BPIFB4: variants seen among roughly 807,000 people sequenced by gnomAD.
BPIFB4 encodes BPI fold containing family B member 4.
Under a neutral mutation model 69.2 loss-of-function variants are expected in BPIFB4, and 62 were observed. That is an observed-to-expected ratio of 0.90 (90% CI 0.73 to 1.11). The LOEUF is 1.11. Among genes scored for constraint, BPIFB4 ranks in the 50% least tolerant of loss-of-function variants. The probability of loss-of-function intolerance (pLI) is 0.00; values close to 1 mark genes in which losing one functional copy is unlikely to be tolerated. For synonymous variants in BPIFB4, 330 were observed against 332.7 expected, an observed-to-expected ratio of 0.99 and a Z score of 0.09; for missense variants, 789 against 792.0, an observed-to-expected ratio of 1.00 and a Z score of 0.04.
chr20:33,083,744 A>T lies in BPIFB4; in HGVS notation c.547A>T (p.Ile183Phe), dbSNP rs1255179953. 1.2e-6 allele frequency: 2 copies of T among 1,613,716 alleles called. No homozygotes were observed. Among genetic ancestry groups the T allele is most frequent in the African/African-American group, 2.7e-5 (2 of 74,878 alleles). Residue 183 changes from isoleucine (I) to phenylalanine (F), a missense_variant, in exon 5 of 18, where the codon ATC becomes TTC. Transcript: ENST00000375483. ...GTGGMLAADGILAGQGGLLGG... is the reference protein window; with the variant it reads ...GTGGMLAADGFLAGQGGLLGG... ...TGGAGGCATGCTGGCAGCTGATGGC[A>T]TCCTCGCAGGCCAAGGTGGCCTGCT...
intron 4 of BPIFB4, 112 bp from the exon 5 acceptor site, chr20:33,083,255 G>A: frequency 1.0e-6 from 1 of 987,186 alleles, no homozygotes; most frequent in Non-Finnish European, 1.4e-6. Context: ...TGGCAGTGGT[G>A]GGGGGTTGCT....
chr20:33,098,398 A>G (rs1981816327), intron 13 of BPIFB4, among the ~76,000 whole-genome samples: 1 of 152,178 alleles, frequency 6.6e-6, no homozygotes, highest in African/African-American at 2.4e-5. Flanking sequence ...AGCAGGGGAC[A>G]GATACAAATA....
rs1569001444 is a variant in BPIFB4 at position 33,088,229 on chromosome 20, TACTC to T, written c.927-735_927-732del. ...AGTTATGTGCACCTGTAGTCCCAGA[TACTC>T]AGGAGGCTGAGGCAGGAGGATTTCT... On this transcript the variant is annotated intron_variant, in intron 7 of 17. Coordinates refer to ENST00000375483, the MANE Select transcript of BPIFB4 (RefSeq NM_182519.3). Among the ~76,000 whole-genome samples, 6 of 151,824 alleles carry T rather than the reference TACTC, an allele frequency of 4.0e-5. No individual in the cohort carries two copies. In the South Asian group the frequency reaches 1.2e-3, roughly 32 times the overall value.
At chr20:33,107,861 C>T (rs749594810) in intron 17 of BPIFB4, 41 bp downstream of exon 17, 1 of 1,549,100 alleles carries the variant, frequency 6.5e-7, no homozygotes, top group South Asian at 1.1e-5. Flanking sequence ...TCCTCCCTGC[C>T]CTTTGCTCAT....
chr20:33,089,144 C>A (rs1569001720), intron 8 of BPIFB4, 115 bp downstream of exon 8: 2 of 1,510,820 alleles, frequency 1.3e-6, no homozygotes, highest in East Asian at 4.5e-5. Context: ...ACAGAGAGAG[C>A]CAAGGCCTGG....
intron 4 of BPIFB4, 93 bp downstream of exon 4, chr20:33,083,093 G>C (rs936266965): frequency 9.0e-7 from 1 of 1,108,742 alleles, no homozygotes; most frequent in Non-Finnish European, 1.3e-6. Flanking sequence ...TCTCCTGGGG[G>C]GCCTGCTTGG....
intron 7 of BPIFB4, among the ~76,000 whole-genome samples, chr20:33,088,069 T>A (rs76095272): frequency 0.042 from 6,362 of 152,248 alleles, 218 homozygotes; most frequent in Non-Finnish European, 0.064. Context: ...CATGTTTCCT[T>A]CGTCTTCTTA....
chr20:33,090,647 G>C, intron 9 of BPIFB4, 61 bp from the exon 10 acceptor site: 1 of 1,601,670 alleles, frequency 6.2e-7, no homozygotes, highest in Non-Finnish European at 8.5e-7. Context: ...CCCAGTGTAT[G>C]AGGAGGGAAG....
intron 17 of BPIFB4, among the ~76,000 whole-genome samples, chr20:33,108,789 C>G (rs1026198703): frequency 2.6e-5 from 4 of 152,206 alleles, no homozygotes; most frequent in Admixed American, 2.6e-4. Context: ...TAAATACCAT[C>G]ACTGTAATAA....
chr20:33,082,328 TTTTA>T (rs1480163589), intron 3 of BPIFB4, among the ~76,000 whole-genome samples: 137 of 59,612 alleles, frequency 2.3e-3, no homozygotes, highest in African/African-American at 0.014. Context: ...AGAAAGTTTA[TTTTA>T]TTTTATTTTA....
chr20:33,095,079 G>C (rs191201353), intron 11 of BPIFB4, 21 bp from the exon 12 acceptor site: 412 of 1,600,802 alleles, frequency 2.6e-4, no homozygotes, highest in Non-Finnish European at 3.0e-4. Context: ...GATTCACGTG[G>C]CCCTTCTTCT....
At position 33,090,732 on chromosome 20, in the gene BPIFB4, G is replaced by C; in HGVS notation, c.1076G>C (p.Gly359Ala). 1 of 1,614,168 alleles carries C rather than the reference G, an allele frequency of 6.2e-7. No individual in the cohort carries two copies. The highest frequency in any genetic ancestry group is 8.5e-7 in the Non-Finnish European group (1 of 1,180,028). Residue 359 changes from glycine (G) to alanine (A), a missense_variant, in exon 10 of 18, where the codon GGA (glycine) becomes GCA (alanine). By Grantham distance (60) the Gly-to-Ala change is moderately conservative. Coordinates refer to ENST00000375483, the MANE Select transcript of BPIFB4 (RefSeq NM_182519.3). ...VDSLIPLGIL[G>A]SVQYTFSSLP... is the part of the protein sequence containing the mutation. ...GCTCTGATTCCTCTGGGGATATTGG[G>C]AAGTGTCCAGTACACCTTCTCCAGC...
chr20:33,106,050 C>T (rs372114351), intron 16 of BPIFB4, among the ~76,000 whole-genome samples: 10 of 152,174 alleles, frequency 6.6e-5, no homozygotes, highest in Non-Finnish European at 1.5e-4. Context: ...GCTGAAGATA[C>T]TCCTGCAGGG....
chr20:33,103,901 G>A (rs539831337), intron 15 of BPIFB4, among the ~76,000 whole-genome samples: 4 of 152,358 alleles, frequency 2.6e-5, no homozygotes, highest in Admixed American at 2.6e-4. Context: ...GGGGCTGACA[G>A]TGTAAAATTA....
intron 11 of BPIFB4, among the ~76,000 whole-genome samples, chr20:33,094,454 C>T (rs1356747979): frequency 6.6e-6 from 1 of 151,954 alleles, no homozygotes; most frequent in East Asian, 1.9e-4. Flanking sequence ...GGACTTGATG[C>T]TGGTCTCCTT....
intron 14 of BPIFB4, among the ~76,000 whole-genome samples, chr20:33,102,048 A>C (rs1981922373): frequency 6.6e-6 from 1 of 152,188 alleles, no homozygotes; most frequent in African/African-American, 2.4e-5. Flanking sequence ...AGGAGTTCCC[A>C]AGGAGGCAAG....
intron 12 of BPIFB4, among the ~76,000 whole-genome samples, chr20:33,096,005 C>T (rs944265566): frequency 6.6e-6 from 1 of 152,050 alleles, no homozygotes; most frequent in African/African-American, 2.4e-5. Context: ...CAATCTATAG[C>T]CATTTTAGAC....
Position 33,084,934 on chromosome 20 carries a change from G to C in BPIFB4, c.720G>C (p.Arg240=), listed in dbSNP as rs1233513874. Residue 240 remains arginine, a synonymous_variant, in exon 6 of 18, where the codon CGG becomes CGC. Coordinates refer to ENST00000375483, the MANE Select transcript of BPIFB4 (RefSeq NM_182519.3). ...TGACCCTCCCTCGGGTGTCCGTGCG[G>C]CTCCTGCCCGGCGTGGGTGTCTACC... ...VELTLPRVSV[R]LLPGVGVYLS... 1 of 1,611,128 alleles carries C rather than the reference G, an allele frequency of 6.2e-7. No individual in the cohort carries two copies. The highest frequency in any genetic ancestry group is 1.7e-5 in the Admixed American group (1 of 60,018).
chr20:33,084,782 G>A lies in BPIFB4; in HGVS notation c.678-110G>A, dbSNP rs1399539469. 8 of 1,477,132 alleles carry A rather than the reference G, an allele frequency of 5.4e-6. No individual in the cohort carries two copies. In the Middle Eastern group the frequency reaches 6.4e-4, roughly 118 times the overall value. 91.5% of individuals were successfully genotyped at this position (1,477,132 alleles called of 1,614,324 possible). On this transcript the variant is annotated intron_variant, in intron 5 of 17. Transcript: ENST00000375483. ...ACTGCAGGTGTCTAGTGTCTTTAGA[G>A]TCAGAAGGAACAGACGGGGAGCAGA...
Sources: gnomAD v4.1 joint callset for allele counts (sites outside exome capture counted in the v4.1 genomes callset) on GRCh38, gnomAD v4.1.1 for gene constraint, MANE v1.5 for transcripts, NCBI Gene and HGNC (gene_info 2026-07-23, HGNC 2026-07-21) for gene names.